Variants in PLXNA4 observed in about 807,000 individuals in gnomAD.
PLXNA4 encodes plexin-A4.
In PLXNA4, 44 loss-of-function variants were observed where a neutral mutation model predicts 191.8. The observed-to-expected ratio is 0.23, with a 90% CI of 0.18 to 0.29. The LOEUF is 0.29. Among genes scored for constraint, PLXNA4 ranks in the 10% least tolerant of loss-of-function variants. The pLI is 1.00. For missense variants in PLXNA4, 1,800 were observed against 2,488.8 expected, an observed-to-expected ratio of 0.72 and a Z score of 5.89; for synonymous variants, 1,082 against 1,009.5, an observed-to-expected ratio of 1.07 and a Z score of -1.36.
chr7:132,312,948 T>C (rs895246105), intron 3 of PLXNA4, among the ~76,000 whole-genome samples: 1 of 152,170 alleles, frequency 6.6e-6, no homozygotes, highest in Non-Finnish European at 1.5e-5. Flanking sequence ...CACAGCTACG[T>C]CATTGGCAAA....
intron 2 of PLXNA4, among the ~76,000 whole-genome samples, chr7:132,585,274 TA>T (rs1377967805): frequency 7.2e-5 from 11 of 152,138 alleles, no homozygotes; most frequent in Non-Finnish European, 1.6e-4. Context: ...TCATGGAAAC[TA>T]ACACTCAGAC....
intron 25 of PLXNA4, among the ~76,000 whole-genome samples, chr7:132,149,331 A>T (rs960965535): frequency 6.6e-6 from 1 of 152,204 alleles, no homozygotes; most frequent in Non-Finnish European, 1.5e-5. Context: ...TCACGGGTCC[A>T]AACACCTACA....
intron 3 of PLXNA4, among the ~76,000 whole-genome samples, chr7:132,334,226 A>ATTTCT (rs1482037343): frequency 1.4e-4 from 16 of 112,884 alleles, no homozygotes; most frequent in Non-Finnish European, 2.5e-4. Flanking sequence ...AAGATTTCAG[A>ATTTCT]TTTCTTTTCT....
chr7:132,179,582 C>T, intron 20 of PLXNA4, 105 bp downstream of exon 20: 4 of 1,484,776 alleles, frequency 2.7e-6, no homozygotes, highest in Non-Finnish European at 2.7e-6. Flanking sequence ...GCCCAGCCTG[C>T]TTGTTTGTAT....
At position 132,308,346 on chromosome 7, in the gene PLXNA4, C is replaced by T. The variant is rs534021874; in HGVS notation, c.1372-10124G>A. On this transcript the variant is annotated intron_variant, in intron 3 of 31. Coordinates refer to ENST00000321063, the MANE Select transcript of PLXNA4 (RefSeq NM_020911.2). ...ACAACTTCTTTGGATAGCCTGCATCCTAAAATCTTGGTTGGCCATTTCCCA... is the reference window on the plus strand; with the variant it reads ...ACAACTTCTTTGGATAGCCTGCATCTTAAAATCTTGGTTGGCCATTTCCCA... 4.6e-5 allele frequency among the ~76,000 whole-genome samples: 7 copies of T among 152,280 alleles called. No homozygotes were observed. In the East Asian group the frequency reaches 1.4e-3, roughly 29 times the overall value.
chr7:132,269,437 T>C (rs981611659), intron 4 of PLXNA4, among the ~76,000 whole-genome samples: 1 of 149,692 alleles, frequency 6.7e-6, no homozygotes, highest in Non-Finnish European at 1.5e-5. Flanking sequence ...GAGCAAACAT[T>C]ACAGACCAGA....
chr7:132,161,473 G>T (rs957424024), intron 24 of PLXNA4, among the ~76,000 whole-genome samples: 1 of 152,214 alleles, frequency 6.6e-6, no homozygotes, highest in African/African-American at 2.4e-5. Context: ...CTCTGCCAGG[G>T]AAGTGCCTCT....
At chr7:132,144,864 TTGTTAACTGACTAAG>T (rs1795372250) in intron 29 of PLXNA4, among the ~76,000 whole-genome samples, 1 of 152,214 alleles carries the variant, frequency 6.6e-6, no homozygotes, top group Admixed American at 6.5e-5. Context: ...CAATAAATGT[TTGTTAACTGACTAAG>T]TGATAGGAAA....
chr7:132,165,129 C>A lies in PLXNA4; in HGVS notation c.4353+5G>T. 1.9e-6 allele frequency: 3 copies of A among 1,612,574 alleles called. No individual in the cohort carries two copies. Among genetic ancestry groups the A allele is most frequent in the Non-Finnish European group, 2.5e-6 (3 of 1,179,034 alleles). On this transcript the variant is annotated splice_donor_5th_base_variant and intron_variant, in intron 23 of 31. Transcript: ENST00000321063. ...GGCCAGAAATACGTCCACATCCAAC[C>A]CTACCTTGAGGAACTTGTAGAGGAG...
chr7:132,407,040 T>C (rs1223562958), intron 3 of PLXNA4, among the ~76,000 whole-genome samples: 1 of 152,200 alleles, frequency 6.6e-6, no homozygotes. Flanking sequence ...ATCTGCCTTA[T>C]GGAGTCTGGG....
chr7:132,608,939 G>T (rs1802993830), intron 2 of PLXNA4, among the ~76,000 whole-genome samples: 1 of 152,154 alleles, frequency 6.6e-6, no homozygotes, highest in Non-Finnish European at 1.5e-5. Flanking sequence ...ACCCTGTGGT[G>T]CTCACTCTGT....
intron 3 of PLXNA4, among the ~76,000 whole-genome samples, chr7:132,488,102 T>A (rs1024896953): frequency 6.6e-6 from 1 of 152,146 alleles, no homozygotes; most frequent in Non-Finnish European, 1.5e-5. Flanking sequence ...GTTTCCCCAG[T>A]GCTCATTGTT....
intron 4 of PLXNA4, among the ~76,000 whole-genome samples, chr7:132,255,658 T>A (rs1799406328): frequency 6.6e-6 from 1 of 152,194 alleles, no homozygotes; most frequent in African/African-American, 2.4e-5. Context: ...GTCTTATTCC[T>A]AACCTGACCA....
chr7:132,538,403 T>C (rs1414040831), intron 1 of PLXNA4, among the ~76,000 whole-genome samples: 1 of 152,146 alleles, frequency 6.6e-6, no homozygotes, highest in East Asian at 1.9e-4. Flanking sequence ...CCAGGCAAGG[T>C]GAATGGAACT....
intron 2 of PLXNA4, among the ~76,000 whole-genome samples, chr7:132,614,294 T>C (rs1585406034): frequency 6.6e-6 from 1 of 152,216 alleles, no homozygotes; most frequent in Admixed American, 6.5e-5. Context: ...AAATCCAATG[T>C]GTGATTGACA....
chr7:132,419,481 T>C (rs1373308681), intron 3 of PLXNA4, among the ~76,000 whole-genome samples: 1 of 152,272 alleles, frequency 6.6e-6, no homozygotes, highest in East Asian at 1.9e-4. Context: ...ATAATTCAGC[T>C]CATGACTGAG....
chr7:132,495,858 G>A (rs1053239111), intron 2 of PLXNA4, among the ~76,000 whole-genome samples: 1 of 152,162 alleles, frequency 6.6e-6, no homozygotes, highest in Non-Finnish European at 1.5e-5. Context: ...GTTCAGCAAG[G>A]GAAATAGGCA....
intron 21 of PLXNA4, among the ~76,000 whole-genome samples, chr7:132,171,682 G>T (rs1796291006): frequency 6.6e-6 from 1 of 152,128 alleles, no homozygotes. Context: ...AGCAGGTCTG[G>T]GGCCCTGGGA....
At chr7:132,456,681 G>A (rs1796326332) in intron 3 of PLXNA4, among the ~76,000 whole-genome samples, 1 of 146,950 alleles carries the variant, frequency 6.8e-6, no homozygotes, top group Admixed American at 6.8e-5. Flanking sequence ...GATGGGCCAG[G>A]AAGAGAAGAG....
Sources: allele counts gnomAD v4.1 joint callset (sites outside exome capture counted in the v4.1 genomes callset), GRCh38; gene constraint gnomAD v4.1.1; transcripts MANE v1.5; gene names NCBI Gene and HGNC (gene_info 2026-07-23, HGNC 2026-07-21).